Variants in MGAT4C observed in about 807,000 individuals in gnomAD.
MGAT4C encodes MGAT4 family member C, also known as alpha-1,3-mannosyl-glycoprotein 4-beta-N-acetylglucosaminyltransferase C.
MGAT4C carries 19 observed loss-of-function variants against 40.1 expected under a neutral mutation model. That is an observed-to-expected ratio of 0.47 (90% confidence interval 0.33 to 0.70). The LOEUF (loss-of-function observed/expected upper bound fraction) is 0.70, where lower values mean the gene tolerates loss of function less well. MGAT4C is among the 30% of genes least tolerant of loss of function. MGAT4C has a pLI of 0.02. For missense variants in MGAT4C, 491 were observed against 563.2 expected, an observed-to-expected ratio of 0.87 and a Z score of 1.30; for synonymous variants, 181 against 187.1, an observed-to-expected ratio of 0.97 and a Z score of 0.27.
chr12:86,718,235 T>C (rs888448904), intron 2 of MGAT4C, among the ~76,000 whole-genome samples: 3 of 152,204 alleles, frequency 2.0e-5, no homozygotes, highest in African/African-American at 4.8e-5. Flanking sequence ...TTTATGTTTT[T>C]TTCTAAACAA....
intron 1 of MGAT4C, among the ~76,000 whole-genome samples, chr12:86,741,694 G>A (rs1434845191): frequency 1.3e-5 from 2 of 151,296 alleles, no homozygotes; most frequent in African/African-American, 4.8e-5. Context: ...GAAATTTCAT[G>A]CAAGAATAGT....
intron 2 of MGAT4C, among the ~76,000 whole-genome samples, chr12:86,704,171 T>C (rs1280823546): frequency 6.6e-6 from 1 of 152,160 alleles, no homozygotes; most frequent in Admixed American, 6.6e-5. Context: ...TTAAAGAATG[T>C]ATGAAAAGGT....
chr12:86,785,709 A>T (rs952606579), intron 1 of MGAT4C, among the ~76,000 whole-genome samples: 1 of 151,758 alleles, frequency 6.6e-6, no homozygotes, highest in African/African-American at 2.4e-5. Flanking sequence ...AAGGAAGAAG[A>T]ATATAATTTT....
intron 2 of MGAT4C, among the ~76,000 whole-genome samples, chr12:86,453,029 G>T (rs979273327): frequency 9.9e-5 from 15 of 152,032 alleles, no homozygotes; most frequent in Non-Finnish European, 1.6e-4. Flanking sequence ...TCTTCATGAG[G>T]GAATAAGTCT....
In MGAT4C at chr12:86,401,251, C is replaced by CAT. The variant is rs974323969; in HGVS notation, c.-120+33904_-120+33905dup. 6.2e-5 allele frequency among the ~76,000 whole-genome samples: 9 copies of CAT among 145,306 alleles called. 1 individual carries two copies. Among genetic ancestry groups the CAT allele is most frequent in the African/African-American group, 2.3e-4 (9 of 38,928 alleles). Reference sequence around the variant, plus strand: ...TATTCCATACTAAAGTTGTAGATAACATATATATATGTGTGTGTGTGTGTG... The same window carrying CAT: ...TATTCCATACTAAAGTTGTAGATAACATATATATATATGTGTGTGTGTGTGTG... On this transcript the variant is annotated intron_variant, in intron 3 of 7. Transcript: ENST00000548651.
At chr12:86,220,932 T>C (rs956498059) in intron 1 of MGAT4C, among the ~76,000 whole-genome samples, 2 of 152,202 alleles carry the variant, frequency 1.3e-5, no homozygotes, top group Non-Finnish European at 2.9e-5. Flanking sequence ...TTAGCTACTA[T>C]AGCTGACTCT....
intron 2 of MGAT4C, among the ~76,000 whole-genome samples, chr12:86,576,601 T>C (rs1209590098): frequency 6.6e-6 from 1 of 151,940 alleles, no homozygotes; most frequent in Non-Finnish European, 1.5e-5. Context: ...TGTATGTTCT[T>C]GCCAGCTTTG....
At chr12:86,467,229 C>G (rs544155744) in intron 2 of MGAT4C, among the ~76,000 whole-genome samples, 1 of 152,268 alleles carries the variant, frequency 6.6e-6, no homozygotes, top group African/African-American at 2.4e-5. Flanking sequence ...TATTCTTTCT[C>G]TCTCCTCTGC....
At chr12:86,761,303 T>C (rs987790534) in intron 1 of MGAT4C, among the ~76,000 whole-genome samples, 4 of 152,302 alleles carry the variant, frequency 2.6e-5, no homozygotes, top group Middle Eastern at 3.4e-3. Flanking sequence ...TTGGTTAATT[T>C]GGGTCATTGT....
chr12:86,349,725 C>T (rs1361257214), intron 3 of MGAT4C, among the ~76,000 whole-genome samples: 1 of 152,096 alleles, frequency 6.6e-6, no homozygotes, highest in African/African-American at 2.4e-5. Flanking sequence ...AGATTTCATA[C>T]ATTACTCAGT....
At chr12:86,080,040 C>T (rs1171871868) in intron 1 of MGAT4C, among the ~76,000 whole-genome samples, 1 of 152,042 alleles carries the variant, frequency 6.6e-6, no homozygotes, top group African/African-American at 2.4e-5. Flanking sequence ...GAAGTTCTCC[C>T]TGCTGTGTTC....
chr12:86,407,519 G>T (rs1039500976), intron 3 of MGAT4C, among the ~76,000 whole-genome samples: 2 of 151,952 alleles, frequency 1.3e-5, no homozygotes, highest in Non-Finnish European at 2.9e-5. Context: ...AGAAAGTTTG[G>T]GTGAAGTTCT....
intron 3 of MGAT4C, among the ~76,000 whole-genome samples, chr12:86,379,549 A>G (rs1955890179): frequency 6.6e-6 from 1 of 152,098 alleles, no homozygotes. Flanking sequence ...TGACTGATTC[A>G]TGATTATATA....
At chr12:86,272,578 G>T (rs1443408507) in intron 4 of MGAT4C, among the ~76,000 whole-genome samples, 1 of 151,916 alleles carries the variant, frequency 6.6e-6, no homozygotes, top group Non-Finnish European at 1.5e-5. Context: ...TCTCTTCCAG[G>T]TGCAGCTCAT....
At chr12:86,511,439 C>T (rs919502152) in intron 2 of MGAT4C, among the ~76,000 whole-genome samples, 9 of 152,062 alleles carry the variant, frequency 5.9e-5, no homozygotes, top group Non-Finnish European at 1.3e-4. Context: ...TATTATAAAT[C>T]GAACTGTTTT....
chr12:86,591,471 T>A (rs1043492285), intron 2 of MGAT4C, among the ~76,000 whole-genome samples: 1 of 151,982 alleles, frequency 6.6e-6, no homozygotes, highest in African/African-American at 2.4e-5. Flanking sequence ...ATTTGAATGA[T>A]TACAAATTTT....
intron 2 of MGAT4C, among the ~76,000 whole-genome samples, chr12:86,635,108 G>T (rs1197114638): frequency 2.0e-5 from 3 of 151,970 alleles, no homozygotes; most frequent in African/African-American, 4.8e-5. Flanking sequence ...CCACTGTTAG[G>T]TCATCTTACA....
chr12:86,603,755 T>G (rs1475719332), intron 2 of MGAT4C, among the ~76,000 whole-genome samples: 240 of 128,902 alleles, frequency 1.9e-3, no homozygotes, highest in Admixed American at 4.2e-3. Flanking sequence ...ATATTATATA[T>G]AATATATAGT....
At position 85,964,322 on chromosome 12, in the gene MGAT4C, A is replaced by G. The variant is rs552059638; in HGVS notation, c.*14967T>C. 4 of 152,214 alleles carry G rather than the reference A, an allele frequency of 2.6e-5. No homozygotes were observed. The highest frequency in any genetic ancestry group is 9.6e-5 in the African/African-American group (4 of 41,568). 9.4% of individuals were successfully genotyped at this position (152,214 alleles called of 1,614,324 possible). Reference sequence around the variant, plus strand: ...TTTATTTTGCAAAAATGTAAGACAAATGTATAGGATATTTTTCTCTGTTGT... The same window carrying G: ...TTTATTTTGCAAAAATGTAAGACAAGTGTATAGGATATTTTTCTCTGTTGT... On this transcript the variant is annotated 3_prime_UTR_variant, in exon 5 of 5. Coordinates refer to ENST00000611864, the MANE Select transcript of MGAT4C (RefSeq NM_001351288.2).
Sources: allele counts gnomAD v4.1 joint callset (sites outside exome capture counted in the v4.1 genomes callset), GRCh38; gene constraint gnomAD v4.1.1; transcripts MANE v1.5; gene names NCBI Gene and HGNC (gene_info 2026-07-23, HGNC 2026-07-21).